The following CHLSN variants were observed in gnomAD, a reference collection of about 807,000 sequenced individuals.
CHLSN encodes the protein cholesin, also known as protein cholesin.
the CHLSN span, among the ~76,000 whole-genome samples, chr7:1,133,478 C>T: frequency 1.3e-5 from 2 of 151,000 alleles, no homozygotes; most frequent in South Asian, 2.1e-4. Context: ...CGGCCAGGCA[C>T]GGTGGCTCAC....
chr7:1,125,731 CA>C, the CHLSN span, among the ~76,000 whole-genome samples: 1 of 152,270 alleles, frequency 6.6e-6, no homozygotes, highest in Non-Finnish European at 1.5e-5. Context: ...CGAGCAATGA[CA>C]GCGCGGATCC....
chr7:1,137,288 T>A, the CHLSN span: 1 of 152,706 alleles, frequency 6.5e-6, no homozygotes, highest in African/African-American at 2.4e-5. Context: ...TCAAAACCCC[T>A]GTTCTCATCT....
the CHLSN span, among the ~76,000 whole-genome samples, chr7:1,007,079 C>CG: frequency 6.6e-6 from 1 of 152,144 alleles, no homozygotes; most frequent in Non-Finnish European, 1.5e-5. Flanking sequence ...GCAGAGCCTT[C>CG]GGGGGATCTG....
chr7:1,075,419 GAGGCTGAGGC>G, the CHLSN span, among the ~76,000 whole-genome samples: 23 of 151,750 alleles, frequency 1.5e-4, no homozygotes, highest in Admixed American at 1.4e-3. Context: ...AGCTACTGGG[GAGGCTGAGGC>G]AGGAGAATCG....
At chr7:1,050,213 G>C in the CHLSN span, among the ~76,000 whole-genome samples, 2 of 152,160 alleles carry the variant, frequency 1.3e-5, no homozygotes, top group East Asian at 3.9e-4. Flanking sequence ...CACCCTGTGG[G>C]CAGTGACTCC....
the CHLSN span, among the ~76,000 whole-genome samples, chr7:1,001,227 G>A: frequency 1.4e-3 from 219 of 152,378 alleles, no homozygotes; most frequent in Non-Finnish European, 2.6e-3. Flanking sequence ...GCCTCCATCA[G>A]TGTGCAAGCC....
chr7:1,110,674 T>A, the CHLSN span, among the ~76,000 whole-genome samples: 2 of 152,204 alleles, frequency 1.3e-5, no homozygotes, highest in Non-Finnish European at 2.9e-5. Context: ...GAGGCCGCTG[T>A]CTGTGTAGGG....
the CHLSN span, among the ~76,000 whole-genome samples, chr7:1,016,380 C>A: frequency 1.2e-5 from 1 of 83,616 alleles, no homozygotes; most frequent in Non-Finnish European, 2.2e-5. Context: ...CGCCAGCACA[C>A]AGCAGCACAC....
chr7:1,121,921 G>A, the CHLSN span, among the ~76,000 whole-genome samples: 7 of 152,178 alleles, frequency 4.6e-5, no homozygotes. Context: ...AGGGCAGCGT[G>A]CTGCACCCAC....
chr7:1,028,433 C>T, the CHLSN span: 4 of 985,730 alleles, frequency 4.1e-6, no homozygotes, highest in Non-Finnish European at 4.8e-6. Flanking sequence ...GACGCCAGCG[C>T]GCCTGCGGGG....
the CHLSN span, among the ~76,000 whole-genome samples, chr7:1,125,384 A>G: frequency 1.5e-3 from 232 of 152,282 alleles, no homozygotes; most frequent in Non-Finnish European, 2.9e-3. Context: ...CACATCTCAC[A>G]ATGGCACACT....
At chr7:1,064,256 G>C in the CHLSN span, among the ~76,000 whole-genome samples, 1 of 152,282 alleles carries the variant, frequency 6.6e-6, no homozygotes, top group South Asian at 2.1e-4. Context: ...GTCCTGATGG[G>C]CTGTGACGTG....
the CHLSN span, chr7:983,415 C>T: frequency 1.1e-4 from 165 of 1,452,446 alleles, no homozygotes; most frequent in Non-Finnish European, 1.3e-4. Flanking sequence ...CAGCTCTTGC[C>T]GCTTGGACAG....
At chr7:1,044,578 G>C in the CHLSN span, 1 of 150,716 alleles carries the variant, frequency 6.6e-6, no homozygotes, top group African/African-American at 2.4e-5. Context: ...CGGGCGGCGT[G>C]CGCGCCGTGA....
chr7:999,215 A>G, the CHLSN span, among the ~76,000 whole-genome samples: 1 of 152,254 alleles, frequency 6.6e-6, no homozygotes, highest in African/African-American at 2.4e-5. Context: ...AACCACGTAA[A>G]CTTTGGTTAA....
At chr7:1,036,432 G>A in the CHLSN span, among the ~76,000 whole-genome samples, 2 of 147,480 alleles carry the variant, frequency 1.4e-5, no homozygotes, top group African/African-American at 2.5e-5. Context: ...TGGTGTGGCC[G>A]TGTAGGGTTC....
chr7:1,099,220 C>T, the CHLSN span, among the ~76,000 whole-genome samples: 1 of 150,258 alleles, frequency 6.7e-6, no homozygotes, highest in Non-Finnish European at 1.5e-5. Context: ...CAGCCGGCCT[C>T]CCCTTCCGGA....
the CHLSN span, among the ~76,000 whole-genome samples, chr7:1,045,024 T>C: frequency 6.6e-6 from 1 of 152,210 alleles, no homozygotes; most frequent in Non-Finnish European, 1.5e-5. Flanking sequence ...CCTTCTGTGA[T>C]TAGTATTTTA....
the CHLSN span, among the ~76,000 whole-genome samples, chr7:1,100,598 A>T: frequency 6.6e-6 from 1 of 152,122 alleles, no homozygotes; most frequent in Non-Finnish European, 1.5e-5. Context: ...TCCAGACATG[A>T]CCAGCCCCTG....
Sources: gnomAD v4.1 joint callset for allele counts (sites outside exome capture counted in the v4.1 genomes callset) on GRCh38, gnomAD v4.1.1 for gene constraint, MANE v1.5 for transcripts, NCBI Gene and HGNC (gene_info 2026-07-23, HGNC 2026-07-21) for gene names.